Variants in KCNH1 observed in about 807,000 individuals in gnomAD.
The protein encoded by KCNH1 is potassium voltage-gated channel subfamily H member 1.
A neutral mutation model predicts 69.2 loss-of-function variants in KCNH1; 27 were observed. The ratio of observed to expected loss-of-function variants is 0.39; its 90% CI spans 0.29 to 0.54. KCNH1 has a LOEUF of 0.54. KCNH1 is among the 20% of genes least tolerant of loss of function. The pLI is 0.68. For missense variants in KCNH1, 798 were observed against 1,261.6 expected, an observed-to-expected ratio of 0.63 and a Z score of 5.57; for synonymous variants, 456 against 487.7, an observed-to-expected ratio of 0.93 and a Z score of 0.86.
In KCNH1 at chr1:210,974,179, TC is replaced by T. The variant is rs376604368; in HGVS notation, c.1032+44603del. On this transcript the variant is annotated intron_variant, in intron 6 of 10. Transcript: ENST00000271751. ...TAGGTGTTTTGTTAAATGCTCTTTA[TC>T]AGGTTGAGGAAGTTCCTTTCTATTT... Among the ~76,000 whole-genome samples the T allele has an allele frequency of 1.6e-3, 239 of 152,318 alleles. 1 individual carries two copies. The highest frequency in any genetic ancestry group is 6.4e-3 in the South Asian group (31 of 4,828).
At chr1:210,999,948 T>C (rs1689139753) in intron 6 of KCNH1, among the ~76,000 whole-genome samples, 1 of 152,172 alleles carries the variant, frequency 6.6e-6, no homozygotes, top group South Asian at 2.1e-4. Context: ...GAAAAGACCT[T>C]TGACAAAATT....
chr1:211,112,407 C>T (rs866334039), intron 1 of KCNH1, among the ~76,000 whole-genome samples: 4 of 151,564 alleles, frequency 2.6e-5, no homozygotes, highest in African/African-American at 9.7e-5. Context: ...CGCTGTGCAA[C>T]TCTCCAAGTA....
At chr1:211,009,699 C>G (rs1406789477) in intron 6 of KCNH1, among the ~76,000 whole-genome samples, 2 of 151,920 alleles carry the variant, frequency 1.3e-5, no homozygotes, top group African/African-American at 4.8e-5. Flanking sequence ...ACCTCCACCT[C>G]CCGGGTTCAA....
chr1:210,988,668 G>A (rs1688888240), intron 6 of KCNH1, among the ~76,000 whole-genome samples: 1 of 152,110 alleles, frequency 6.6e-6, no homozygotes, highest in Non-Finnish European at 1.5e-5. Flanking sequence ...AACCAGAATT[G>A]GAATTGGATT....
chr1:210,921,381 C>T (rs1404625038), intron 6 of KCNH1, among the ~76,000 whole-genome samples: 1 of 152,230 alleles, frequency 6.6e-6, no homozygotes, highest in Non-Finnish European at 1.5e-5. Flanking sequence ...ATGTCCTTCA[C>T]CAAGTAGATT....
At chr1:210,759,520 A>G (rs905617469) in intron 10 of KCNH1, among the ~76,000 whole-genome samples, 3 of 152,122 alleles carry the variant, frequency 2.0e-5, no homozygotes, top group East Asian at 1.9e-4. Context: ...ATTTCAAAAT[A>G]TAGTAGGAAG....
intron 10 of KCNH1, among the ~76,000 whole-genome samples, chr1:210,719,711 T>TA (rs763824649): frequency 2.6e-4 from 39 of 148,598 alleles, no homozygotes; most frequent in East Asian, 5.9e-4. Context: ...TAAAGTAAAA[T>TA]AAAAAAAAAA....
At chr1:210,895,755 T>TA (rs36086593) in intron 7 of KCNH1, among the ~76,000 whole-genome samples, 8,589 of 146,814 alleles carry the variant, frequency 0.059, 312 homozygotes, top group Middle Eastern at 0.13. Flanking sequence ...TTTCTCAGAC[T>TA]AAAAAAAAAA....
At chr1:211,011,283 C>T (rs1249015671) in intron 6 of KCNH1, among the ~76,000 whole-genome samples, 1 of 152,162 alleles carries the variant, frequency 6.6e-6, no homozygotes, top group African/African-American at 2.4e-5. Flanking sequence ...CAGCTTCATC[C>T]ATGTCCCTGC....
chr1:211,075,807 G>T (rs555885242), intron 5 of KCNH1, among the ~76,000 whole-genome samples: 1 of 152,236 alleles, frequency 6.6e-6, no homozygotes, highest in South Asian at 2.1e-4. Context: ...GCAAGGGATC[G>T]GGGGATTTCC....
intron 5 of KCNH1, among the ~76,000 whole-genome samples, chr1:211,064,485 T>C (rs4951498): frequency 0.36 from 55,235 of 151,796 alleles, 10,289 homozygotes; most frequent in African/African-American, 0.41. Context: ...GGTGTGAACC[T>C]GGGAGGCGGA....
intron 3 of KCNH1, among the ~76,000 whole-genome samples, chr1:211,094,223 C>T (rs1269453742): frequency 2.6e-5 from 4 of 152,126 alleles, no homozygotes; most frequent in Admixed American, 6.5e-5. Context: ...GGCAACCTCA[C>T]GTATACAGTT....
At chr1:210,847,501 G>T (rs1574293312) in intron 7 of KCNH1, among the ~76,000 whole-genome samples, 1 of 150,654 alleles carries the variant, frequency 6.6e-6, no homozygotes, top group East Asian at 2.0e-4. Flanking sequence ...AACACCGCAT[G>T]TTCTCACTCA....
chr1:210,744,668 A>G (rs1307133229), intron 10 of KCNH1, among the ~76,000 whole-genome samples: 5 of 152,056 alleles, frequency 3.3e-5, no homozygotes, highest in Admixed American at 2.0e-4. Context: ...AACAAAACAA[A>G]AAAAACCCCA....
chr1:211,076,000 G>A (rs1448506802), intron 5 of KCNH1, among the ~76,000 whole-genome samples: 1 of 152,204 alleles, frequency 6.6e-6, no homozygotes, highest in East Asian at 1.9e-4. Flanking sequence ...GTCTGAGATT[G>A]ACCTGCGAGG....
chr1:210,829,057 A>G (rs1013319189), intron 7 of KCNH1, among the ~76,000 whole-genome samples: 27 of 152,198 alleles, frequency 1.8e-4, no homozygotes, highest in African/African-American at 6.0e-4. Context: ...AGAGTATTCA[A>G]TGTTATTCAG....
At chr1:210,885,845 T>C (rs1297909216) in intron 7 of KCNH1, among the ~76,000 whole-genome samples, 1 of 152,202 alleles carries the variant, frequency 6.6e-6, no homozygotes, top group Non-Finnish European at 1.5e-5. Flanking sequence ...CCTCTCTAGA[T>C]TCCTCCTCTC....
At chr1:211,078,204 G>A (rs1352182448) in intron 5 of KCNH1, among the ~76,000 whole-genome samples, 2 of 152,190 alleles carry the variant, frequency 1.3e-5, no homozygotes, top group African/African-American at 4.8e-5. Context: ...ATATTAGACA[G>A]ATCAATGAGA....
intron 3 of KCNH1, among the ~76,000 whole-genome samples, chr1:211,102,582 G>A (rs757953487): frequency 6.6e-6 from 1 of 152,042 alleles, no homozygotes; most frequent in Non-Finnish European, 1.5e-5. Flanking sequence ...ACCACCAAGC[G>A]AACAGTAATC....
Sources: gnomAD v4.1 joint callset for allele counts (sites outside exome capture counted in the v4.1 genomes callset) on GRCh38, gnomAD v4.1.1 for gene constraint, MANE v1.5 for transcripts, NCBI Gene and HGNC (gene_info 2026-07-23, HGNC 2026-07-21) for gene names.